Variants in HS6ST3 observed in about 807,000 individuals in gnomAD.
The protein encoded by HS6ST3 is heparan sulfate 6-O-sulfotransferase 3, also known as heparan-sulfate 6-O-sulfotransferase 3.
In HS6ST3, 12 loss-of-function variants were observed where a neutral mutation model predicts 36.7. The observed-to-expected ratio is 0.33, with a 90% CI of 0.21 to 0.53. The LOEUF is 0.53. HS6ST3 is among the 20% of genes least tolerant of loss of function. HS6ST3 has a pLI of 0.95. For synonymous variants in HS6ST3, 240 were observed against 257.5 expected, an observed-to-expected ratio of 0.93 and a Z score of 0.65; for missense variants, 584 against 640.9, an observed-to-expected ratio of 0.91 and a Z score of 0.96.
intron 1 of HS6ST3, among the ~76,000 whole-genome samples, chr13:96,578,768 C>G (rs914008834): frequency 4.6e-5 from 7 of 152,046 alleles, no homozygotes. Context: ...CTATGTTGGC[C>G]AGGCTGGTCT....
rs67979751 is a variant in HS6ST3 at position 96,614,297 on chromosome 13, C to CAAAAAAAAAAAAAA, written c.708-218175_708-218162dup. 6.1e-4 allele frequency among the ~76,000 whole-genome samples: 27 copies of CAAAAAAAAAAAAAA among 43,972 alleles called. 1 individual carries two copies. Among genetic ancestry groups the CAAAAAAAAAAAAAA allele is most frequent in the Non-Finnish European group, 8.7e-4 (23 of 26,534 alleles). The allele number at this position is 43,972 out of a possible 152,430, so 28.8% of individuals were successfully genotyped here. A position where few individuals can be genotyped will look rare whatever the true frequency, so the allele number is the denominator to read the frequency against. The stretch of plus-strand genomic sequence containing the variant: ...TGGGCAACAGAGCAAGGATCCATCT[C>CAAAAAAAAAAAAAA]AAAAAAAAAAAAAAAAAAAAAAAAA... On this transcript the variant is annotated intron_variant, in intron 1 of 1. Transcript: ENST00000376705.
At chr13:96,793,841 A>T (rs1439483122) in intron 1 of HS6ST3, among the ~76,000 whole-genome samples, 1 of 152,058 alleles carries the variant, frequency 6.6e-6, no homozygotes, top group African/African-American at 2.4e-5. Context: ...CAATTCTCAG[A>T]AGTCTACAGA....
At chr13:96,122,834 C>G (rs994949545) in intron 1 of HS6ST3, among the ~76,000 whole-genome samples, 1 of 152,120 alleles carries the variant, frequency 6.6e-6, no homozygotes, top group Non-Finnish European at 1.5e-5. Context: ...GGGGACAGAC[C>G]TGCTCTATCC....
chr13:96,475,322 G>A (rs1274668784), intron 1 of HS6ST3, among the ~76,000 whole-genome samples: 4 of 152,066 alleles, frequency 2.6e-5, no homozygotes, highest in African/African-American at 9.7e-5. Flanking sequence ...GTAGCTCTGG[G>A]CACACTAAAC....
intron 1 of HS6ST3, among the ~76,000 whole-genome samples, chr13:96,792,178 CTT>C (rs1244919399): frequency 6.6e-6 from 1 of 151,978 alleles, no homozygotes. Flanking sequence ...TTTCTGAGCA[CTT>C]TGCAGTCTTT....
chr13:96,787,197 G>A (rs777386169), intron 1 of HS6ST3, among the ~76,000 whole-genome samples: 14 of 152,134 alleles, frequency 9.2e-5, no homozygotes, highest in Non-Finnish European at 1.8e-4. Context: ...TTGTGAACAA[G>A]TTTCAGTGTG....
At chr13:96,723,627 G>A (rs1312460103) in intron 1 of HS6ST3, among the ~76,000 whole-genome samples, 1 of 152,112 alleles carries the variant, frequency 6.6e-6, no homozygotes, top group East Asian at 1.9e-4. Flanking sequence ...CAGTTCTTCT[G>A]AACCTTCCAG....
At chr13:96,560,200 G>T (rs1159050980) in intron 1 of HS6ST3, among the ~76,000 whole-genome samples, 1 of 152,166 alleles carries the variant, frequency 6.6e-6, no homozygotes, top group Non-Finnish European at 1.5e-5. Flanking sequence ...TGGGTTCAAA[G>T]ATGTACATTG....
At chr13:96,217,098 C>G (rs2139360534) in intron 1 of HS6ST3, among the ~76,000 whole-genome samples, 1 of 152,228 alleles carries the variant, frequency 6.6e-6, no homozygotes, top group Admixed American at 6.5e-5. Context: ...CCTCGCAGGC[C>G]TGAGTTGAGG....
At chr13:96,754,733 C>T (rs1876781797) in intron 1 of HS6ST3, among the ~76,000 whole-genome samples, 1 of 152,062 alleles carries the variant, frequency 6.6e-6, no homozygotes, top group Non-Finnish European at 1.5e-5. Context: ...ATTGTTTTAC[C>T]TTGTAGAAGA....
At chr13:96,420,001 A>G (rs1330731856) in intron 1 of HS6ST3, among the ~76,000 whole-genome samples, 1 of 152,170 alleles carries the variant, frequency 6.6e-6, no homozygotes. Context: ...TTAACCCCAT[A>G]ATGAAAGAGT....
At chr13:96,097,503 A>G (rs944230592) in intron 1 of HS6ST3, among the ~76,000 whole-genome samples, 1 of 152,192 alleles carries the variant, frequency 6.6e-6, no homozygotes, top group Non-Finnish European at 1.5e-5. Flanking sequence ...CCAAATTAAT[A>G]TTTTGTAGTA....
intron 1 of HS6ST3, among the ~76,000 whole-genome samples, chr13:96,359,559 A>T (rs1272215707): frequency 1.3e-5 from 2 of 152,186 alleles, no homozygotes; most frequent in South Asian, 4.1e-4. Context: ...CAAATTAATC[A>T]GAACATTGGG....
chr13:96,755,899 T>C (rs1876816942), intron 1 of HS6ST3, among the ~76,000 whole-genome samples: 1 of 152,210 alleles, frequency 6.6e-6, no homozygotes, highest in Admixed American at 6.5e-5. Context: ...TTCAACTTGA[T>C]AAGAAATCAC....
At chr13:96,611,063 A>C (rs2056455612) in intron 1 of HS6ST3, among the ~76,000 whole-genome samples, 1 of 149,714 alleles carries the variant, frequency 6.7e-6, no homozygotes, top group African/African-American at 2.4e-5. Flanking sequence ...CTTTCTTTTC[A>C]TTTCTTTCCC....
At chr13:96,723,873 A>G (rs1050658856) in intron 1 of HS6ST3, among the ~76,000 whole-genome samples, 2 of 152,142 alleles carry the variant, frequency 1.3e-5, no homozygotes, top group Non-Finnish European at 2.9e-5. Context: ...TTTAATTCCT[A>G]TTTTATGATT....
intron 1 of HS6ST3, among the ~76,000 whole-genome samples, chr13:96,646,008 T>A (rs775249193): frequency 3.3e-5 from 5 of 151,092 alleles, no homozygotes; most frequent in Non-Finnish European, 7.4e-5. Context: ...ATAGCCAAGA[T>A]GAAATTCAAT....
intron 1 of HS6ST3, chr13:96,427,430 T>C (rs541113520): frequency 2.8e-4 from 42 of 152,302 alleles, no homozygotes; most frequent in African/African-American, 9.1e-4. Flanking sequence ...GACTTCACAA[T>C]GATGAAAATA....
At chr13:96,597,952 T>C (rs1468470458) in intron 1 of HS6ST3, among the ~76,000 whole-genome samples, 1 of 152,110 alleles carries the variant, frequency 6.6e-6, no homozygotes, top group Non-Finnish European at 1.5e-5. Context: ...GTGTAGGTTT[T>C]TGTCTGCTTT....
Sources: allele counts gnomAD v4.1 joint callset (sites outside exome capture counted in the v4.1 genomes callset), GRCh38; gene constraint gnomAD v4.1.1; transcripts MANE v1.5; gene names NCBI Gene and HGNC (gene_info 2026-07-23, HGNC 2026-07-21).